DACH1: variants seen among roughly 807,000 people sequenced by gnomAD.
The protein encoded by DACH1 is dachshund homolog 1.
In DACH1, 12 loss-of-function variants were observed where a neutral mutation model predicts 54.2. The ratio of observed to expected loss-of-function variants is 0.22; its 90% confidence interval spans 0.14 to 0.36. The LOEUF (loss-of-function observed/expected upper bound fraction) is 0.36, where lower values mean the gene tolerates loss of function less well. DACH1 is among the 10% of genes least tolerant of loss of function. The probability of loss-of-function intolerance (pLI) is 1.00; values close to 1 mark genes in which losing one functional copy is unlikely to be tolerated. For missense variants in DACH1, 805 were observed against 929.8 expected, an observed-to-expected ratio of 0.87 and a Z score of 1.75; for synonymous variants, 386 against 366.2, an observed-to-expected ratio of 1.05 and a Z score of -0.62.
intron 1 of DACH1, among the ~76,000 whole-genome samples, chr13:71,738,682 A>G (rs1403644952): frequency 7.5e-6 from 1 of 134,002 alleles, no homozygotes; most frequent in Non-Finnish European, 1.6e-5. Context: ...CAATGAGCCA[A>G]AATTGTGCCA....
intron 2 of DACH1, among the ~76,000 whole-genome samples, chr13:71,632,748 T>C (rs993410138): frequency 1.3e-5 from 2 of 152,084 alleles, no homozygotes; most frequent in Non-Finnish European, 1.5e-5. Context: ...GATTGGGTCT[T>C]TACATGAAAA....
At chr13:71,757,370 A>T (rs1214831224) in intron 1 of DACH1, among the ~76,000 whole-genome samples, 1 of 152,164 alleles carries the variant, frequency 6.6e-6, no homozygotes, top group Non-Finnish European at 1.5e-5. Flanking sequence ...TAAACGGACC[A>T]GTGGCCAAAT....
intron 6 of DACH1, among the ~76,000 whole-genome samples, chr13:71,552,828 TATATATATATATATAGAGAGAGAGAG>T (rs1305076135): frequency 1.9e-4 from 9 of 46,162 alleles, no homozygotes; most frequent in African/African-American, 4.6e-4. Context: ...TATATATATA[TATATATATATATATAGAGAGAGAGAG>T]AGAGAGAGAG....
chr13:71,727,066 T>C (rs954965694), intron 1 of DACH1, among the ~76,000 whole-genome samples: 7 of 152,072 alleles, frequency 4.6e-5, no homozygotes, highest in Non-Finnish European at 7.4e-5. Context: ...TTTTGTAAAA[T>C]GCATTGCTTG....
chr13:71,604,763 C>T (rs1354708991), intron 3 of DACH1, among the ~76,000 whole-genome samples: 5 of 151,856 alleles, frequency 3.3e-5, no homozygotes, highest in Non-Finnish European at 7.4e-5. Flanking sequence ...CATTTATCTC[C>T]TCCTGCATCA....
intron 3 of DACH1, among the ~76,000 whole-genome samples, chr13:71,596,864 A>G (rs1481125806): frequency 1.3e-5 from 2 of 152,240 alleles, no homozygotes; most frequent in Admixed American, 6.5e-5. Context: ...GCAAATAGGT[A>G]TATAGCTAGG....
chr13:71,563,731 T>C (rs867936079), intron 4 of DACH1, among the ~76,000 whole-genome samples: 62 of 151,678 alleles, frequency 4.1e-4, no homozygotes, highest in African/African-American at 1.4e-3. Context: ...AGTAAATATG[T>C]ATAAGTAAAA....
intron 3 of DACH1, among the ~76,000 whole-genome samples, chr13:71,604,111 G>C (rs975993627): frequency 6.6e-6 from 1 of 151,800 alleles, no homozygotes; most frequent in Non-Finnish European, 1.5e-5. Flanking sequence ...AAAGTTTACT[G>C]ATGTCATATT....
At position 71,758,619 on chromosome 13, in the gene DACH1, G is replaced by A. The variant is rs531185815; in HGVS notation, c.849-76709C>T. ...AGAATAGCTTGAAATACCTTGAAAC[G>A]CACCACTTAATCAAAATACAGCATC... On this transcript the variant is annotated intron_variant, in intron 1 of 10. Coordinates refer to ENST00000613252, the MANE Select transcript of DACH1 (RefSeq NM_080759.6). Among the ~76,000 whole-genome samples, 33 of 152,198 alleles carry A rather than the reference G, an allele frequency of 2.2e-4. No homozygotes were observed. In the East Asian group the frequency reaches 3.5e-3, roughly 16 times the overall value.
chr13:71,544,322 T>C (rs185917559), intron 6 of DACH1, among the ~76,000 whole-genome samples: 7 of 152,266 alleles, frequency 4.6e-5, no homozygotes, highest in Admixed American at 2.6e-4. Flanking sequence ...CTCCTATATA[T>C]GGGTTTAGTC....
intron 6 of DACH1, among the ~76,000 whole-genome samples, chr13:71,544,127 A>G (rs2138339605): frequency 6.6e-6 from 1 of 152,234 alleles, no homozygotes; most frequent in South Asian, 2.1e-4. Context: ...CCACTAAAGC[A>G]CTCAACTGCC....
In DACH1 at chr13:71,841,293, C is replaced by T. The variant is rs7490297; in HGVS notation, c.848+24629G>A. ...AGAGAACTTTAAAAAATAATTATGT[C>T]TTTTCTCTTTTTTTTTGCTTTTATT... On this transcript the variant is annotated intron_variant, in intron 1 of 10. Transcript: ENST00000613252. Among the ~76,000 whole-genome samples, 8,600 of 151,924 alleles carry T rather than the reference C, an allele frequency of 0.057. 1,017 individuals carry two copies. The East Asian group carries it at 0.57, about 10-fold the overall frequency.
At chr13:71,719,103 T>C (rs1330006563) in intron 1 of DACH1, among the ~76,000 whole-genome samples, 1 of 152,186 alleles carries the variant, frequency 6.6e-6, no homozygotes, top group Non-Finnish European at 1.5e-5. Flanking sequence ...CTACACATCT[T>C]AGTATTTTGC....
chr13:71,524,658 A>T (rs1326311069), intron 6 of DACH1, among the ~76,000 whole-genome samples: 1 of 152,010 alleles, frequency 6.6e-6, no homozygotes, highest in African/African-American at 2.4e-5. Flanking sequence ...AAATGAAGGG[A>T]TTGCTTTTTT....
intron 6 of DACH1, among the ~76,000 whole-genome samples, chr13:71,493,322 C>T (rs969310481): frequency 2.0e-5 from 3 of 152,008 alleles, no homozygotes; most frequent in African/African-American, 4.8e-5. Context: ...GCCAACCTCA[C>T]GAGTTGGGTT....
chr13:71,703,860 T>C (rs1192049466), intron 1 of DACH1, among the ~76,000 whole-genome samples: 2 of 152,162 alleles, frequency 1.3e-5, no homozygotes, highest in Non-Finnish European at 2.9e-5. Flanking sequence ...ACAGATATAT[T>C]GATAAACACT....
At chr13:71,723,905 G>T (rs1332362437) in intron 1 of DACH1, among the ~76,000 whole-genome samples, 1 of 151,984 alleles carries the variant, frequency 6.6e-6, no homozygotes, top group South Asian at 2.1e-4. Context: ...TGCTCAGGTT[G>T]GTCTCAAACT....
intron 1 of DACH1, among the ~76,000 whole-genome samples, chr13:71,841,685 G>A (rs1334023608): frequency 6.6e-6 from 1 of 152,132 alleles, no homozygotes; most frequent in African/African-American, 2.4e-5. Context: ...TACTACCAAG[G>A]AGGACCAAAC....
chr13:71,477,678 T>G (rs1212153207), intron 8 of DACH1, among the ~76,000 whole-genome samples: 1 of 152,148 alleles, frequency 6.6e-6, no homozygotes, highest in African/African-American at 2.4e-5. Context: ...AAAGAAACAG[T>G]AATTTCTGAA....
Sources: allele counts gnomAD v4.1 joint callset (sites outside exome capture counted in the v4.1 genomes callset), GRCh38; gene constraint gnomAD v4.1.1; transcripts MANE v1.5; gene names NCBI Gene and HGNC (gene_info 2026-07-23, HGNC 2026-07-21).